Variants in ST8SIA6 observed in about 807,000 individuals in gnomAD.
ST8SIA6 encodes the protein alpha-2,8-sialyltransferase 8F.
ST8SIA6 carries 39 observed loss-of-function variants against 33.6 expected under a neutral mutation model. That is an observed-to-expected ratio of 1.16 (90% confidence interval 0.90 to 1.52). The LOEUF (loss-of-function observed/expected upper bound fraction) is 1.52. Among genes scored for constraint, ST8SIA6 ranks in the 40% most tolerant of loss-of-function variants. The pLI, the probability that ST8SIA6 is intolerant of heterozygous loss-of-function variation, is 0.00. For synonymous variants in ST8SIA6, 172 were observed against 167.2 expected (o/e 1.03, Z -0.22); for missense variants, 441 against 443.8 (o/e 0.99, Z 0.06).
In ST8SIA6 at chr10:17,358,058, A is replaced by C. The variant is rs148475793; in HGVS notation, c.377+1456T>G. Among the ~76,000 whole-genome samples the C allele has an allele frequency of 1.2e-4, 19 of 152,324 alleles. No homozygotes were observed. The East Asian group carries it at 1.7e-3, about 14-fold the overall frequency. On this transcript the variant is annotated intron_variant, in intron 4 of 7. Transcript: ENST00000377602. ...TTGGCATAAAACGTCCTGGAAATGA[A>C]ATCGTTAAACAGGAATCCCCTTTCC... is the stretch of plus-strand genomic sequence containing the variant.
At chr10:17,424,449 C>G (rs1338900311) in intron 2 of ST8SIA6, among the ~76,000 whole-genome samples, 1 of 152,062 alleles carries the variant, frequency 6.6e-6, no homozygotes, top group Non-Finnish European at 1.5e-5. Flanking sequence ...TAACAGACAC[C>G]ATATTTCAAT....
chr10:17,434,799 A>AAT (rs1405151429), intron 2 of ST8SIA6, among the ~76,000 whole-genome samples: 4 of 152,162 alleles, frequency 2.6e-5, no homozygotes, highest in African/African-American at 7.2e-5. Flanking sequence ...GGGTAAAGTA[A>AAT]ATAATGAGGC....
chr10:17,414,813 C>G (rs781239471), intron 2 of ST8SIA6, among the ~76,000 whole-genome samples: 47 of 152,148 alleles, frequency 3.1e-4, no homozygotes, highest in Non-Finnish European at 6.2e-4. Flanking sequence ...CTAATATAGT[C>G]ACATTTGAGA....
chr10:17,369,997 T>C (rs1262295612), intron 3 of ST8SIA6, among the ~76,000 whole-genome samples: 9 of 151,830 alleles, frequency 5.9e-5, no homozygotes, highest in Admixed American at 3.9e-4. Flanking sequence ...CACTGACTTT[T>C]TTTTTTTTTT....
At chr10:17,448,061 A>C (rs1005363614) in intron 2 of ST8SIA6, among the ~76,000 whole-genome samples, 1 of 152,162 alleles carries the variant, frequency 6.6e-6, no homozygotes, top group Non-Finnish European at 1.5e-5. Flanking sequence ...TTGGCCTCCC[A>C]AAGTGCTGGG....
chr10:17,420,511 C>A (rs570154114), intron 2 of ST8SIA6, among the ~76,000 whole-genome samples: 26 of 152,138 alleles, frequency 1.7e-4, no homozygotes, highest in Admixed American at 6.5e-4. Context: ...TGTGATCATA[C>A]CCAAAAACTC....
At chr10:17,387,779 A>G (rs1365728956) in intron 3 of ST8SIA6, among the ~76,000 whole-genome samples, 1 of 152,214 alleles carries the variant, frequency 6.6e-6, no homozygotes, top group African/African-American at 2.4e-5. Context: ...TCTAGGAGAG[A>G]GATTGCAACT....
At chr10:17,337,064 G>C (rs1450305370) in intron 4 of ST8SIA6, among the ~76,000 whole-genome samples, 1 of 152,116 alleles carries the variant, frequency 6.6e-6, no homozygotes, top group Non-Finnish European at 1.5e-5. Flanking sequence ...GATCATGGGG[G>C]TGGATTTCCC....
At chr10:17,395,367 G>T (rs762240455) in intron 2 of ST8SIA6, among the ~76,000 whole-genome samples, 3 of 152,112 alleles carry the variant, frequency 2.0e-5, no homozygotes, top group Non-Finnish European at 4.4e-5. Context: ...TCCAGCATAT[G>T]AATGCAGAGG....
intron 6 of ST8SIA6, among the ~76,000 whole-genome samples, chr10:17,326,117 C>T (rs1848122126): frequency 6.6e-6 from 1 of 152,118 alleles, no homozygotes; most frequent in African/African-American, 2.4e-5. Flanking sequence ...TCTATTGTGG[C>T]TTCATCATTA....
At chr10:17,391,999 A>T (rs572419182) in intron 2 of ST8SIA6, among the ~76,000 whole-genome samples, 1 of 152,246 alleles carries the variant, frequency 6.6e-6, no homozygotes, top group African/African-American at 2.4e-5. Context: ...AAAAATATAT[A>T]TGCAACTCTA....
At chr10:17,425,601 GAGAA>G (rs1242491810) in intron 2 of ST8SIA6, among the ~76,000 whole-genome samples, 2 of 146,306 alleles carry the variant, frequency 1.4e-5, no homozygotes, top group South Asian at 2.2e-4. Flanking sequence ...AGGAAGGAAG[GAGAA>G]AGAAAGAGAA....
chr10:17,430,433 T>C (rs1020974077), intron 2 of ST8SIA6, among the ~76,000 whole-genome samples: 33 of 152,268 alleles, frequency 2.2e-4, no homozygotes, highest in African/African-American at 8.0e-4. Flanking sequence ...CTGGATTGAA[T>C]GGTAGATCCA....
chr10:17,427,047 T>C (rs1465872399), intron 2 of ST8SIA6, among the ~76,000 whole-genome samples: 2 of 146,402 alleles, frequency 1.4e-5, no homozygotes, highest in African/African-American at 5.1e-5. Context: ...GAGGTTGCAA[T>C]GAGCTGAGAT....
intron 4 of ST8SIA6, among the ~76,000 whole-genome samples, chr10:17,354,721 G>A (rs758967633): frequency 1.4e-4 from 22 of 152,236 alleles, no homozygotes; most frequent in Non-Finnish European, 2.6e-4. Context: ...AGGCATCCTG[G>A]ATAGGCAATT....
chr10:17,433,883 C>T (rs1465117200), intron 2 of ST8SIA6, among the ~76,000 whole-genome samples: 1 of 152,162 alleles, frequency 6.6e-6, no homozygotes, highest in Non-Finnish European at 1.5e-5. Context: ...GTCCTCAACA[C>T]ATATCCTGGG....
At chr10:17,350,543 A>T (rs979084862) in intron 4 of ST8SIA6, among the ~76,000 whole-genome samples, 2 of 152,120 alleles carry the variant, frequency 1.3e-5, no homozygotes, top group African/African-American at 4.8e-5. Context: ...AACAAAACAA[A>T]AATGATCTAA....
intron 3 of ST8SIA6, among the ~76,000 whole-genome samples, chr10:17,390,038 G>A (rs1286778925): frequency 1.3e-5 from 2 of 152,052 alleles, no homozygotes; most frequent in Non-Finnish European, 2.9e-5. Context: ...CCCTGGGCTG[G>A]AGTGCAAGTG....
At chr10:17,405,876 C>A (rs867311340) in intron 2 of ST8SIA6, among the ~76,000 whole-genome samples, 1 of 140,926 alleles carries the variant, frequency 7.1e-6, no homozygotes, top group Non-Finnish European at 1.5e-5. Context: ...GAGAGCAAGA[C>A]TCCATTTCAA....
Sources: gnomAD v4.1 joint callset for allele counts (sites outside exome capture counted in the v4.1 genomes callset) on GRCh38, gnomAD v4.1.1 for gene constraint, MANE v1.5 for transcripts, NCBI Gene and HGNC (gene_info 2026-07-23, HGNC 2026-07-21) for gene names.